Variants in ACOXL observed in about 807,000 individuals in gnomAD.
ACOXL encodes acyl-coenzyme A oxidase-like protein.
Under a neutral mutation model 71.9 loss-of-function variants are expected in ACOXL, and 70 were observed. The ratio of observed to expected loss-of-function variants is 0.97; its 90% CI spans 0.80 to 1.19. ACOXL has a LOEUF of 1.19. ACOXL is among the 50% of genes most tolerant of loss of function. The pLI, the probability that ACOXL is intolerant of heterozygous loss-of-function variation, is 0.00. For synonymous variants in ACOXL, 253 were observed against 281.6 expected (o/e 0.90, Z 1.02); for missense variants, 703 against 736.3 (o/e 0.95, Z 0.52).
chr2:110,867,783 G>C (rs1694786339), intron 10 of ACOXL, among the ~76,000 whole-genome samples: 1 of 151,630 alleles, frequency 6.6e-6, no homozygotes, highest in African/African-American at 2.4e-5. Context: ...TTTTTTTTGA[G>C]ATGGAGTTTT....
intron 1 of ACOXL, among the ~76,000 whole-genome samples, chr2:110,743,847 C>T (rs111933019): frequency 0.014 from 2,114 of 152,350 alleles, 49 homozygotes; most frequent in African/African-American, 0.049. Context: ...CACATTTCTC[C>T]TCTTCTGCTC....
At chr2:111,043,343 C>T (rs1470188339) in intron 15 of ACOXL, among the ~76,000 whole-genome samples, 1 of 152,236 alleles carries the variant, frequency 6.6e-6, no homozygotes, top group Non-Finnish European at 1.5e-5. Context: ...ATTCTGAAAA[C>T]AAAGCCAGAG....
intron 9 of ACOXL, among the ~76,000 whole-genome samples, chr2:110,806,084 A>T (rs1686602118): frequency 6.6e-6 from 1 of 152,278 alleles, no homozygotes; most frequent in Non-Finnish European, 1.5e-5. Flanking sequence ...GCTTGAGTCC[A>T]GCTTTTCCAT....
chr2:110,805,458 T>A, intron 9 of ACOXL, 63 bp downstream of exon 9: 1 of 1,602,986 alleles, frequency 6.2e-7, no homozygotes, highest in African/African-American at 1.3e-5. Context: ...CAGGGATGAG[T>A]AACAATTCCA....
intron 12 of ACOXL, among the ~76,000 whole-genome samples, chr2:110,948,513 G>A (rs2061199070): frequency 1.3e-5 from 2 of 151,938 alleles, no homozygotes; most frequent in African/African-American, 4.8e-5. Flanking sequence ...GAATCACAAA[G>A]AGATGTTGCA....
At position 111,075,380 on chromosome 2, in the gene ACOXL, T is replaced by C. The variant is rs546190322; in HGVS notation, c.1441-17485T>C. Among the ~76,000 whole-genome samples, 5 of 152,266 alleles carry C rather than the reference T, an allele frequency of 3.3e-5. No individual in the cohort carries two copies. The East Asian group carries it at 9.7e-4, about 29-fold the overall frequency. On this transcript the variant is annotated intron_variant, in intron 16 of 17. Coordinates refer to ENST00000439055, the MANE Select transcript of ACOXL (RefSeq NM_001142807.4). ...TGTTACCAAATTATGTGTGTAAGGT[T>C]GTTCATAGTGTTTTATTTTATCCTT...
At chr2:110,902,363 G>A (rs1009325629) in intron 10 of ACOXL, among the ~76,000 whole-genome samples, 4 of 152,076 alleles carry the variant, frequency 2.6e-5, no homozygotes, top group Admixed American at 6.5e-5. Context: ...CCAACTGCTC[G>A]AGAGGCTGAG....
intron 5 of ACOXL, among the ~76,000 whole-genome samples, chr2:110,796,660 G>A (rs1163291197): frequency 6.6e-6 from 1 of 152,156 alleles, no homozygotes; most frequent in Non-Finnish European, 1.5e-5. Context: ...CACATGGGTT[G>A]TATTTTTGTT....
chr2:110,837,408 A>G (rs1350497428), intron 9 of ACOXL, among the ~76,000 whole-genome samples: 1 of 152,166 alleles, frequency 6.6e-6, no homozygotes, highest in African/African-American at 2.4e-5. Flanking sequence ...GCCTTCTAAG[A>G]TAGTGTAAAC....
intron 10 of ACOXL, among the ~76,000 whole-genome samples, chr2:110,878,084 T>C (rs1359881615): frequency 2.0e-5 from 3 of 152,204 alleles, no homozygotes; most frequent in Non-Finnish European, 4.4e-5. Flanking sequence ...CCCCATCCTT[T>C]CTGAAAATCA....
intron 1 of ACOXL, among the ~76,000 whole-genome samples, chr2:110,755,426 A>C (rs1679538591): frequency 1.3e-5 from 2 of 152,234 alleles, no homozygotes; most frequent in African/African-American, 4.8e-5. Context: ...TATTTGAGGA[A>C]AACTACCAAG....
intron 14 of ACOXL, among the ~76,000 whole-genome samples, chr2:110,999,336 A>T (rs67250604): frequency 0.088 from 13,369 of 152,114 alleles, 727 homozygotes; most frequent in East Asian, 0.22. Flanking sequence ...CAAGACTCCC[A>T]TCTCTTAAAT....
At chr2:110,887,126 C>T (rs754086341) in intron 10 of ACOXL, 1 of 392,778 alleles carries the variant, frequency 2.5e-6, no homozygotes, top group Non-Finnish European at 4.6e-6. Context: ...AAACTCTGAT[C>T]TGAAAGTGAA....
chr2:111,001,344 T>C (rs2063616636), intron 14 of ACOXL, among the ~76,000 whole-genome samples: 2 of 151,902 alleles, frequency 1.3e-5, no homozygotes, highest in Admixed American at 1.3e-4. Context: ...CAATACAAAA[T>C]GAATAGAGCC....
At chr2:110,832,983 A>G (rs10048703) in intron 9 of ACOXL, among the ~76,000 whole-genome samples, 64,338 of 152,082 alleles carry the variant, frequency 0.42, 14,014 homozygotes, top group East Asian at 0.56. Flanking sequence ...TGGTGAGATC[A>G]TCAAGACTTT....
intron 10 of ACOXL, among the ~76,000 whole-genome samples, chr2:110,857,808 C>T (rs543154248): frequency 1.1e-4 from 17 of 152,272 alleles, no homozygotes; most frequent in African/African-American, 3.8e-4. Context: ...TCACTGCAAC[C>T]TCTGCTTCCC....
At chr2:110,934,635 G>A (rs2060595786) in intron 12 of ACOXL, among the ~76,000 whole-genome samples, 1 of 152,188 alleles carries the variant, frequency 6.6e-6, no homozygotes, top group Non-Finnish European at 1.5e-5. Flanking sequence ...TGGAGCTAAC[G>A]GATGGCACAG....
rs763387393 is a variant in ACOXL, at chr2:111,117,854, G to T, written c.*38G>T. 3 of 1,530,146 alleles carry T rather than the reference G, an allele frequency of 2.0e-6. No homozygotes were observed. The South Asian group carries it at 3.6e-5, about 18-fold the overall frequency. 94.8% of individuals were successfully genotyped at this position (1,530,146 alleles called of 1,614,324 possible). On this transcript the variant is annotated 3_prime_UTR_variant, in exon 18 of 18. Transcript: ENST00000439055. ...GAAGTGTGGTGGCCCGCCAGCAGCTGCCACGACGCTCGCTCCACCGACGCC... is the reference window on the plus strand; with the variant it reads ...GAAGTGTGGTGGCCCGCCAGCAGCTTCCACGACGCTCGCTCCACCGACGCC...
chr2:110,969,909 A>T (rs2062107023), intron 12 of ACOXL, among the ~76,000 whole-genome samples: 1 of 152,202 alleles, frequency 6.6e-6, no homozygotes, highest in South Asian at 2.1e-4. Context: ...ACTGGAAATT[A>T]TCTGACTCAA....
Sources: allele counts gnomAD v4.1 joint callset (sites outside exome capture counted in the v4.1 genomes callset), GRCh38; gene constraint gnomAD v4.1.1; transcripts MANE v1.5; gene names NCBI Gene and HGNC (gene_info 2026-07-23, HGNC 2026-07-21).